TUSC3: variants seen among roughly 807,000 people sequenced by gnomAD.
TUSC3 encodes dolichyl-diphosphooligosaccharide--protein glycosyltransferase subunit TUSC3.
Under a neutral mutation model 44.8 loss-of-function variants are expected in TUSC3, and 45 were observed. The observed-to-expected ratio is 1.00, with a 90% CI of 0.79 to 1.29. The LOEUF is 1.29. Among genes scored for constraint, TUSC3 ranks in the 50% most tolerant of loss-of-function variants. The pLI is 0.00. For synonymous variants in TUSC3, 212 were observed against 152.9 expected (o/e 1.39, Z -2.85); for missense variants, 519 against 437.9 (o/e 1.19, Z -1.65).
chr8:15,542,995 C>G (rs1305600868), intron 1 of TUSC3, among the ~76,000 whole-genome samples: 1 of 152,170 alleles, frequency 6.6e-6, no homozygotes, highest in Admixed American at 6.5e-5. Flanking sequence ...GAAATACAGG[C>G]CATTCCGTAT....
intron 1 of TUSC3, among the ~76,000 whole-genome samples, chr8:15,478,399 A>G (rs959521434): frequency 6.6e-6 from 1 of 152,062 alleles, no homozygotes; most frequent in African/African-American, 2.4e-5. Flanking sequence ...GCTCACATGC[A>G]TTAGCTATTT....
chr8:15,497,738 CTT>C (rs57896247), intron 2 of TUSC3, among the ~76,000 whole-genome samples: 3 of 149,530 alleles, frequency 2.0e-5, no homozygotes, highest in East Asian at 4.0e-4. Context: ...GTTTCTTCTT[CTT>C]TTTTTTTTCT....
intron 2 of TUSC3, among the ~76,000 whole-genome samples, chr8:15,523,318 C>T (rs13274201): frequency 0.77 from 116,224 of 151,878 alleles, 44,590 homozygotes; most frequent in East Asian, 0.88. Flanking sequence ...AGATGAGAAG[C>T]GGCACAGGGA....
At chr8:15,759,488 A>G (rs985009266) in intron 10 of TUSC3, among the ~76,000 whole-genome samples, 3 of 151,900 alleles carry the variant, frequency 2.0e-5, no homozygotes, top group African/African-American at 4.8e-5. Context: ...AAGATAAATA[A>G]AAAAAACAAA....
Position 15,673,810 on chromosome 8 carries a change from C to G in TUSC3, c.772C>G (p.His258Asp). 1 of 1,612,578 alleles carries G rather than the reference C, an allele frequency of 6.2e-7. No homozygotes were observed. The stretch of plus-strand genomic sequence containing the variant: ...CCATATCCGTGGACCTCCATATGCT[C>G]ATAAGAACCCACACAATGGACAAGT... Reference protein sequence around the residue: ...WNHIRGPPYAHKNPHNGQVSY... With the variant: ...WNHIRGPPYADKNPHNGQVSY... The change falls in exon 6 of 11, where the codon CAT becomes GAT. Residue 258 changes from histidine (H) to aspartate (D), a missense_variant. Physicochemically the swap from His to Asp is moderately conservative, Grantham distance 81. Transcript: ENST00000503731.
At chr8:15,533,956 G>C (rs537777527) in intron 2 of TUSC3, among the ~76,000 whole-genome samples, 1 of 152,236 alleles carries the variant, frequency 6.6e-6, no homozygotes, top group East Asian at 1.9e-4. Flanking sequence ...TATGGTGATG[G>C]CTGACATTAG....
chr8:15,573,623 G>T (rs972233101), intron 1 of TUSC3, among the ~76,000 whole-genome samples: 2 of 151,972 alleles, frequency 1.3e-5, no homozygotes, highest in African/African-American at 4.8e-5. Flanking sequence ...TGGTGTCACA[G>T]CTGAGGAAGT....
At chr8:15,732,943 A>G (rs778600741) in intron 7 of TUSC3, among the ~76,000 whole-genome samples, 67 of 152,054 alleles carry the variant, frequency 4.4e-4, no homozygotes, top group Non-Finnish European at 7.9e-4. Context: ...GCTTACATTT[A>G]CTTACTTGCC....
chr8:15,573,144 G>T (rs1563296856), intron 1 of TUSC3, among the ~76,000 whole-genome samples: 3 of 134,630 alleles, frequency 2.2e-5, no homozygotes, highest in South Asian at 2.4e-4. Context: ...CTTAACTATT[G>T]CTTCAGTATA....
rs186767382 is a variant in TUSC3, at chr8:15,472,054, A to G, written n.92-11332A>G. Among the ~76,000 whole-genome samples, 303 of 152,290 alleles carry G rather than the reference A, an allele frequency of 2.0e-3. 1 individual carries two copies. The highest frequency in any genetic ancestry group is 2.8e-4 in the Non-Finnish European group (19 of 68,022). On this transcript the variant is annotated intron_variant and non_coding_transcript_variant, in intron 1 of 5. Transcript: ENST00000503191. ...AAGTAACATAACCAAAATATTTCTA[A>G]TTTTTCAAAAATATATGTGACATAA...
intron 7 of TUSC3, 41 bp from the exon 8 acceptor site, chr8:15,743,497 A>G (rs146523740): frequency 3.1e-6 from 5 of 1,603,180 alleles, no homozygotes; most frequent in Non-Finnish European, 4.3e-6. Context: ...AATAGATTTT[A>G]TTCACATCTA....
intron 2 of TUSC3, among the ~76,000 whole-genome samples, chr8:15,504,013 CAAAAAAAAAA>C (rs11330340): frequency 8.8e-6 from 1 of 113,152 alleles, no homozygotes; most frequent in Non-Finnish European, 1.8e-5. Flanking sequence ...GACTCTGTCT[CAAAAAAAAAA>C]AAAAAAAAAA....
In TUSC3 at chr8:15,670,146, G is replaced by T. The variant is rs187329183; in HGVS notation, c.709-3601G>T. 1.1e-3 allele frequency among the ~76,000 whole-genome samples: 161 copies of T among 151,846 alleles called. 1 individual carries two copies. Among genetic ancestry groups the T allele is most frequent in the Non-Finnish European group, 2.2e-4 (15 of 67,828 alleles). ...TGGCAGGTAAACCTGATAATGGATT[G>T]GTAGACTCAACGTTGTAAAGATACT... On this transcript the variant is annotated intron_variant, in intron 5 of 10. Coordinates refer to ENST00000503731, the MANE Select transcript of TUSC3 (RefSeq NM_006765.4).
At chr8:15,748,779 T>C in intron 9 of TUSC3, 1 of 538,954 alleles carries the variant, frequency 1.9e-6, no homozygotes, top group South Asian at 1.4e-5. Flanking sequence ...GATTTCGACT[T>C]CATTTGCAAG....
intron 2 of TUSC3, among the ~76,000 whole-genome samples, chr8:15,523,650 A>ATG (rs1433556622): frequency 2.3e-5 from 1 of 44,092 alleles, no homozygotes; most frequent in Non-Finnish European, 4.6e-5. Flanking sequence ...ATATATATAT[A>ATG]TATATATATA....
chr8:15,467,454 T>C (rs1227182622), intron 1 of TUSC3, among the ~76,000 whole-genome samples: 1 of 152,126 alleles, frequency 6.6e-6, no homozygotes, highest in Admixed American at 6.6e-5. Flanking sequence ...TGCCTTAGAG[T>C]ATAATTCTGC....
chr8:15,626,110 C>T (rs950161067), intron 2 of TUSC3, among the ~76,000 whole-genome samples: 8 of 152,148 alleles, frequency 5.3e-5, no homozygotes, highest in South Asian at 2.1e-4. Context: ...CACCGTGCCC[C>T]CTGTGCCCTG....
At chr8:15,767,233 T>C (rs2543110), downstream of TUSC3, among the ~76,000 whole-genome samples, 46,914 of 151,948 alleles carry the variant, frequency 0.31, 8,029 homozygotes, top group East Asian at 0.46. Flanking sequence ...AATACATGCA[T>C]ATATTTATAT....
At chr8:15,436,487 C>G (rs1299603541) in intron 1 of TUSC3, among the ~76,000 whole-genome samples, 1 of 152,154 alleles carries the variant, frequency 6.6e-6, no homozygotes, top group African/African-American at 2.4e-5. Flanking sequence ...TCAGCATAAC[C>G]TTGTGAGCTA....
Sources: allele counts gnomAD v4.1 joint callset (sites outside exome capture counted in the v4.1 genomes callset), GRCh38; gene constraint gnomAD v4.1.1; transcripts MANE v1.5; gene names NCBI Gene and HGNC (gene_info 2026-07-23, HGNC 2026-07-21).